TBC1D31: variants seen among roughly 807,000 people sequenced by gnomAD.
TBC1D31 encodes TBC1 domain family member 31.
A neutral mutation model predicts 132.9 loss-of-function variants in TBC1D31; 99 were observed. The observed-to-expected ratio is 0.74, with a 90% CI of 0.63 to 0.88. TBC1D31 has a LOEUF of 0.88. Ranked by LOEUF, TBC1D31 falls within the 40% of genes least tolerant of loss-of-function variation. The probability of loss-of-function intolerance (pLI) is 0.00; values close to 1 mark genes in which losing one functional copy is unlikely to be tolerated. For missense variants in TBC1D31, 1,134 were observed against 1,256.6 expected (o/e 0.90, Z 1.48); for synonymous variants, 385 against 419.4 (o/e 0.92, Z 1.00).
chr8:123,109,252 T>G (rs1293358383), intron 8 of TBC1D31, 65 bp from the exon 9 acceptor site: 1 of 1,190,768 alleles, frequency 8.4e-7, no homozygotes, highest in Non-Finnish European at 1.2e-6. Context: ...TGGACTAGAT[T>G]ACCTTTGTCA....
Position 123,140,826 on chromosome 8 carries a change from A to T in TBC1D31, c.2565A>T (p.Arg855=). 4.3e-6 allele frequency: 7 copies of T among 1,613,758 alleles called. No homozygotes were observed. Among genetic ancestry groups the T allele is most frequent in the Non-Finnish European group, 5.1e-6 (6 of 1,179,824 alleles). The change falls in exon 18 of 22, where the codon CGA becomes CGT. Residue 855 remains arginine, a synonymous_variant. Coordinates refer to ENST00000287380, the MANE Select transcript of TBC1D31 (RefSeq NM_145647.4). The stretch of plus-strand genomic sequence containing the variant: ...GAGCAGATGCAGATGCCTATAGACG[A>T]AAAGTGGATCTTGAAGAACACATGT... ...EMRADADAYR[R]KVDLEEHMFH...
At chr8:123,134,049 C>G in intron 16 of TBC1D31, 65 bp from the exon 17 acceptor site, 1 of 1,309,874 alleles carries the variant, frequency 7.6e-7, no homozygotes, top group South Asian at 1.3e-5. Flanking sequence ...TACAGGATTA[C>G]TAAATATATT....
At chr8:123,091,378 TATAATA>T (rs1816307222) in intron 4 of TBC1D31, among the ~76,000 whole-genome samples, 1 of 152,228 alleles carries the variant, frequency 6.6e-6, no homozygotes, top group African/African-American at 2.4e-5. Context: ...GACTGCTAAT[TATAATA>T]ATAATTTTCT....
chr8:123,106,758 C>T (rs1339432315), intron 8 of TBC1D31, among the ~76,000 whole-genome samples: 3 of 152,132 alleles, frequency 2.0e-5, no homozygotes, highest in Non-Finnish European at 2.9e-5. Context: ...CAGGTAGCTG[C>T]AAGACCATCC....
intron 4 of TBC1D31, among the ~76,000 whole-genome samples, chr8:123,087,905 G>A (rs757510959): frequency 1.4e-4 from 21 of 152,236 alleles, no homozygotes; most frequent in Admixed American, 3.9e-4. Context: ...AAACAGGACC[G>A]GGTACGGGGG....
intron 10 of TBC1D31, among the ~76,000 whole-genome samples, chr8:123,111,204 C>T (rs934074647): frequency 3.9e-5 from 6 of 151,920 alleles, no homozygotes; most frequent in Non-Finnish European, 8.8e-5. Flanking sequence ...TCTCTCTTTT[C>T]GTGATGTTGT....
intron 6 of TBC1D31, among the ~76,000 whole-genome samples, chr8:123,098,474 G>C (rs1413607629): frequency 6.6e-6 from 1 of 152,066 alleles, no homozygotes; most frequent in African/African-American, 2.4e-5. Flanking sequence ...GCTAATTTTT[G>C]TATGTTTAGT....
chr8:123,131,355 C>T (rs1420177560), intron 16 of TBC1D31, among the ~76,000 whole-genome samples: 3 of 107,760 alleles, frequency 2.8e-5, no homozygotes, highest in Non-Finnish European at 5.1e-5. Flanking sequence ...CAGAGTGAGA[C>T]TCAGTCTCAA....
chr8:123,132,403 C>CTTTTTTT (rs34901750), intron 16 of TBC1D31, among the ~76,000 whole-genome samples: 8 of 55,444 alleles, frequency 1.4e-4, no homozygotes, highest in Non-Finnish European at 2.1e-4. Context: ...TTTTTTAAGT[C>CTTTTTTT]TTTTTTTTTT....
intron 1 of TBC1D31, among the ~76,000 whole-genome samples, chr8:123,075,325 C>G (rs1460311856): frequency 2.0e-5 from 3 of 152,118 alleles, no homozygotes; most frequent in Non-Finnish European, 4.4e-5. Context: ...TGTTTAGATA[C>G]ACATGGAGAA....
downstream of TBC1D31, among the ~76,000 whole-genome samples, chr8:123,152,355 C>A (rs1312378215): frequency 1.3e-5 from 2 of 152,132 alleles, no homozygotes; most frequent in South Asian, 2.1e-4. Context: ...TTCCTGCCCA[C>A]CCCCGCCTCT....
At chr8:123,151,781 C>G in intron 21 of TBC1D31, 25 bp from the exon 22 acceptor site, 1 of 1,543,224 alleles carries the variant, frequency 6.5e-7, no homozygotes, top group Non-Finnish European at 8.6e-7. Flanking sequence ...CTCAGCTTTT[C>G]TAAATTTTAA....
chr8:123,150,952 CT>C (rs1383606991), intron 21 of TBC1D31, among the ~76,000 whole-genome samples: 1 of 152,080 alleles, frequency 6.6e-6, no homozygotes, highest in Non-Finnish European at 1.5e-5. Flanking sequence ...AAAAGACGAG[CT>C]TTATAAGAAA....
chr8:123,105,992 G>C (rs1340436657), intron 8 of TBC1D31, among the ~76,000 whole-genome samples: 21 of 151,900 alleles, frequency 1.4e-4, no homozygotes, highest in Admixed American at 1.4e-3. Flanking sequence ...AGTAAATACT[G>C]TCAGTTTTCC....
At chr8:123,157,367 C>T in the TBC1D31 span, among the ~76,000 whole-genome samples, 268 of 152,228 alleles carry the variant, frequency 1.8e-3, no homozygotes, top group Admixed American at 5.2e-3. Context: ...CGCATGCCCA[C>T]TTTTACTTTT....
intron 1 of TBC1D31, chr8:123,073,200 T>A (rs1224733004): frequency 2.1e-6 from 1 of 470,858 alleles, no homozygotes; most frequent in Non-Finnish European, 4.1e-6. Flanking sequence ...TATTTAACAG[T>A]TGCAGCTGGA....
intron 10 of TBC1D31, among the ~76,000 whole-genome samples, chr8:123,118,572 A>G (rs1354746293): frequency 6.6e-6 from 1 of 152,178 alleles, no homozygotes; most frequent in Non-Finnish European, 1.5e-5. Context: ...CTCATGTAAA[A>G]CTGAAAAAAC....
chr8:123,105,406 G>A lies in TBC1D31; in HGVS notation c.1151G>A (p.Ser384Asn). Residue 384 changes from serine (S) to asparagine (N), a missense_variant, in exon 8 of 22, where the codon AGC (serine) becomes AAC (asparagine). By Grantham distance (46) the Ser-to-Asn change is conservative. Transcript: ENST00000287380. The part of the protein sequence containing the change: ...RVQQPAKSRE[S>N]KMQTRILKQD... ...CAGCAGCCAGCAAAATCTAGGGAAA[G>A]CAAAATGCAAACTAGAATATTAAAA... The A allele has an allele frequency of 6.2e-7, 1 of 1,613,120 alleles. No homozygotes were observed. The highest frequency in any genetic ancestry group is 8.5e-7 in the Non-Finnish European group (1 of 1,179,576).
rs1820053963 is a variant in TBC1D31, at chr8:123,126,593, C to T, written c.1790C>T (p.Ser597Phe). ...CTGAAATTGTTCGATAATATCTTTT[C>T]CAACCATCCTTCCTTCCTTCTGATG... ...EWLKLFDNIF[S>F]NHPSFLLMTV... Residue 597 changes from serine to phenylalanine, a missense_variant, in exon 13 of 22, where the codon TCC (serine) becomes TTC (phenylalanine). Ser to Phe is a radical substitution (Grantham distance 155). Transcript: ENST00000287380. The T allele has an allele frequency of 2.5e-6, 4 of 1,613,968 alleles. No individual in the cohort carries two copies. The highest frequency in any genetic ancestry group is 3.4e-6 in the Non-Finnish European group (4 of 1,179,960).
Sources: gnomAD v4.1 joint callset for allele counts (sites outside exome capture counted in the v4.1 genomes callset) on GRCh38, gnomAD v4.1.1 for gene constraint, MANE v1.5 for transcripts, NCBI Gene and HGNC (gene_info 2026-07-23, HGNC 2026-07-21) for gene names.